Variants in SECISBP2L observed in about 807,000 individuals in gnomAD.
SECISBP2L encodes SECIS binding protein 2 like.
A neutral mutation model predicts 114.7 loss-of-function variants in SECISBP2L; 43 were observed. The ratio of observed to expected loss-of-function variants is 0.38; its 90% CI spans 0.29 to 0.48. The LOEUF (loss-of-function observed/expected upper bound fraction) is 0.48. SECISBP2L is among the 20% of genes least tolerant of loss of function. The probability of loss-of-function intolerance (pLI) is 0.98; values close to 1 mark genes in which losing one functional copy is unlikely to be tolerated. For missense variants in SECISBP2L, 1,136 were observed against 1,301.1 expected, an observed-to-expected ratio of 0.87 and a Z score of 1.95; for synonymous variants, 451 against 439.7, an observed-to-expected ratio of 1.03 and a Z score of -0.32.
intron 4 of SECISBP2L, among the ~76,000 whole-genome samples, chr15:49,029,580 G>A (rs1555386944): frequency 1.3e-5 from 2 of 152,164 alleles, no homozygotes; most frequent in Non-Finnish European, 2.9e-5. Context: ...TTGTTTTGGA[G>A]TTTTGCTACT....
intron 14 of SECISBP2L, among the ~76,000 whole-genome samples, chr15:49,007,058 C>CTG (rs1387294065): frequency 8.5e-5 from 13 of 152,222 alleles, no homozygotes; most frequent in Non-Finnish European, 4.4e-5. Context: ...GGTCCCTCTG[C>CTG]TGCAGGTCTG....
intron 17 of SECISBP2L, among the ~76,000 whole-genome samples, chr15:48,994,127 C>A (rs971314993): frequency 2.0e-5 from 3 of 151,738 alleles, no homozygotes; most frequent in Admixed American, 6.6e-5. Flanking sequence ...AAAAAAATCA[C>A]CTCCTCCTAT....
Position 49,016,512 on chromosome 15 carries a change from A to G in SECISBP2L, c.1561+48T>C, listed in dbSNP as rs777987662. 1.9e-5 allele frequency: 30 copies of G among 1,552,234 alleles called. No individual in the cohort carries two copies. The South Asian group carries it at 3.8e-4, about 19-fold the overall frequency. ...AAAATTTCGATTAACAACATCTAAC[A>G]TATATTAGCAGAGACAAACAGCAAA... On this transcript the variant is annotated intron_variant, in intron 11 of 17. Transcript: ENST00000559471.
intron 17 of SECISBP2L, among the ~76,000 whole-genome samples, chr15:48,993,188 T>A (rs529800739): frequency 3.2e-4 from 48 of 151,288 alleles, no homozygotes; most frequent in African/African-American, 1.1e-3. Flanking sequence ...AGCAACATGA[T>A]CTTGGCTCAC....
chr15:49,035,706 A>G, intron 2 of SECISBP2L, 48 bp from the exon 3 acceptor site: 2 of 1,521,172 alleles, frequency 1.3e-6, no homozygotes, highest in Non-Finnish European at 1.8e-6. Flanking sequence ...AAGTCTAAAA[A>G]TACCACTAAA....
At chr15:49,034,524 T>C (rs1169561819) in intron 3 of SECISBP2L, among the ~76,000 whole-genome samples, 3 of 152,054 alleles carry the variant, frequency 2.0e-5, no homozygotes, top group Admixed American at 6.6e-5. Context: ...CATATAAAAG[T>C]AAAGCACCTC....
intron 3 of SECISBP2L, 101 bp from the exon 4 acceptor site, chr15:49,033,201 C>T: frequency 7.7e-7 from 1 of 1,304,436 alleles, no homozygotes. Context: ...AAATACACAT[C>T]TTAAGTGTAT....
Position 48,992,229 on chromosome 15 carries a change from C to A in SECISBP2L, c.*15G>T, listed in dbSNP as rs748654271. The A allele has an allele frequency of 1.3e-6, 2 of 1,578,122 alleles. No individual in the cohort carries two copies. The highest frequency in any genetic ancestry group is 1.7e-6 in the Non-Finnish European group (2 of 1,161,504). ...CCCTTCCACAGCTGGAGATAGAGAG[C>A]CGACATTTCCTGAGTTACGTAGTTT... is the stretch of plus-strand genomic sequence containing the variant. On this transcript the variant is annotated 3_prime_UTR_variant, in exon 18 of 18. Transcript: ENST00000559471.
intron 8 of SECISBP2L, among the ~76,000 whole-genome samples, chr15:49,018,106 T>C (rs894677671): frequency 1.2e-4 from 18 of 152,206 alleles, no homozygotes; most frequent in African/African-American, 4.3e-4. Context: ...ATCTAATGTC[T>C]TTAAATATAA....
chr15:49,045,284 AT>A (rs1163426937), intron 1 of SECISBP2L, among the ~76,000 whole-genome samples: 1 of 152,234 alleles, frequency 6.6e-6, no homozygotes, highest in African/African-American at 2.4e-5. Context: ...CTTCAACTAC[AT>A]ATAGACACAT....
intron 7 of SECISBP2L, among the ~76,000 whole-genome samples, chr15:49,021,734 C>A (rs1038708115): frequency 3.3e-5 from 5 of 152,192 alleles, no homozygotes; most frequent in African/African-American, 1.2e-4. Context: ...CTGATTCTTA[C>A]ACTTCGAGAC....
intron 1 of SECISBP2L, among the ~76,000 whole-genome samples, chr15:49,039,917 T>A (rs1011184535): frequency 1.3e-5 from 2 of 152,186 alleles, no homozygotes; most frequent in African/African-American, 4.8e-5. Flanking sequence ...GGGGTTTTTT[T>A]CAGCAAGGTA....
At chr15:49,010,153 A>ACACACACACACACC (rs1190593953) in intron 13 of SECISBP2L, among the ~76,000 whole-genome samples, 9 of 147,382 alleles carry the variant, frequency 6.1e-5, no homozygotes, top group Admixed American at 2.7e-4. Flanking sequence ...ACACACACAC[A>ACACACACACACACC]CCCCTCTTGC....
intron 8 of SECISBP2L, among the ~76,000 whole-genome samples, chr15:49,018,058 ATTAAT>A (rs1307691320): frequency 6.6e-6 from 1 of 152,180 alleles, no homozygotes; most frequent in African/African-American, 2.4e-5. Context: ...TTCCATTGAA[ATTAAT>A]TTATTAATAT....
At position 49,040,218 on chromosome 15, in the gene SECISBP2L, A is replaced by G. The variant is rs563252546; in HGVS notation, c.25-2449T>C. 2.6e-5 allele frequency among the ~76,000 whole-genome samples: 4 copies of G among 152,310 alleles called. No homozygotes were observed. The East Asian group carries it at 7.7e-4, about 29-fold the overall frequency. ...CATATACACAGTATGTGCCTTTATT[A>G]AAGTTTGTATTGGTTTCTAAGTGCA... On this transcript the variant is annotated intron_variant, in intron 1 of 17. Coordinates refer to ENST00000559471, the MANE Select transcript of SECISBP2L (RefSeq NM_001193489.2).
rs905081420 is a variant in SECISBP2L, at chr15:48,992,220, G to A, written c.*24C>T. Reference sequence around the variant, plus strand: ...TGGCTGCAACCCTTCCACAGCTGGAGATAGAGAGCCGACATTTCCTGAGTT... The same window carrying A: ...TGGCTGCAACCCTTCCACAGCTGGAAATAGAGAGCCGACATTTCCTGAGTT... On this transcript the variant is annotated 3_prime_UTR_variant, in exon 18 of 18. Coordinates refer to ENST00000559471, the MANE Select transcript of SECISBP2L (RefSeq NM_001193489.2). 1 of 1,573,894 alleles carries A rather than the reference G, an allele frequency of 6.4e-7. No individual in the cohort carries two copies. Among genetic ancestry groups the A allele is most frequent in the African/African-American group, 1.4e-5 (1 of 73,568 alleles).
Position 49,007,108 on chromosome 15 carries a change from T to C in SECISBP2L, c.2027+2108A>G, listed in dbSNP as rs1357089009. On this transcript the variant is annotated intron_variant, in intron 14 of 17. Transcript: ENST00000559471. Reference sequence around the variant, plus strand: ...AGGTCCACTCCAGACCCTTTTTGCCTGGGTATCACCAGCGGAGGCTACAGA... The same window carrying C: ...AGGTCCACTCCAGACCCTTTTTGCCCGGGTATCACCAGCGGAGGCTACAGA... Among the ~76,000 whole-genome samples, 5 of 152,322 alleles carry C rather than the reference T, an allele frequency of 3.3e-5. No homozygotes were observed. In the East Asian group the frequency reaches 9.6e-4, roughly 29 times the overall value.
At chr15:49,044,176 T>C (rs1903196402) in intron 1 of SECISBP2L, among the ~76,000 whole-genome samples, 1 of 152,170 alleles carries the variant, frequency 6.6e-6, no homozygotes, top group African/African-American at 2.4e-5. Context: ...AAAAACATTC[T>C]GTGAGGAAAA....
chr15:49,001,300 G>A (rs570252055), intron 14 of SECISBP2L, among the ~76,000 whole-genome samples: 2 of 152,170 alleles, frequency 1.3e-5, no homozygotes, highest in South Asian at 4.1e-4. Context: ...CCTTGTTTCT[G>A]CATTTCAAAT....
Sources: allele counts gnomAD v4.1 joint callset (sites outside exome capture counted in the v4.1 genomes callset), GRCh38; gene constraint gnomAD v4.1.1; transcripts MANE v1.5; gene names NCBI Gene and HGNC (gene_info 2026-07-23, HGNC 2026-07-21).